VWA5B1: variants seen among roughly 807,000 people sequenced by gnomAD.
VWA5B1 encodes von Willebrand factor A domain-containing protein 5B1.
VWA5B1 carries 115 observed loss-of-function variants against 118.2 expected under a neutral mutation model. The ratio of observed to expected loss-of-function variants is 0.97; its 90% CI spans 0.84 to 1.14. The LOEUF (loss-of-function observed/expected upper bound fraction) is 1.14, where lower values mean the gene tolerates loss of function less well. Ranked by LOEUF, VWA5B1 falls within the 50% of genes most tolerant of loss-of-function variation. The pLI, the probability that VWA5B1 is intolerant of heterozygous loss-of-function variation, is 0.00. For missense variants in VWA5B1, 1,596 were observed against 1,603.8 expected (o/e 1.00, Z 0.08); for synonymous variants, 682 against 658.4 (o/e 1.04, Z -0.55).
chr1:20,311,679 C>T (rs912459188), intron 2 of VWA5B1, among the ~76,000 whole-genome samples: 2 of 152,150 alleles, frequency 1.3e-5, no homozygotes, highest in Non-Finnish European at 2.9e-5. Context: ...CCTTCCTATC[C>T]GCAGTGATGG....
intron 1 of VWA5B1, among the ~76,000 whole-genome samples, chr1:20,304,506 T>C (rs2088588784): frequency 3.3e-5 from 5 of 152,122 alleles, no homozygotes. Context: ...TGACTTACTC[T>C]TTTGGACAAA....
At chr1:20,308,077 T>C (rs1028614667) in intron 1 of VWA5B1, among the ~76,000 whole-genome samples, 3 of 152,202 alleles carry the variant, frequency 2.0e-5, no homozygotes, top group Non-Finnish European at 2.9e-5. Flanking sequence ...GCCATCTTTA[T>C]GTCCATGAGT....
At chr1:20,316,772 T>G in intron 4 of VWA5B1, among the ~76,000 whole-genome samples, 1 of 152,092 alleles carries the variant, frequency 6.6e-6, no homozygotes, top group East Asian at 1.9e-4. Flanking sequence ...AGAGGAGAAA[T>G]GACTCGCAGG....
intron 1 of VWA5B1, among the ~76,000 whole-genome samples, chr1:20,305,776 G>A (rs1176869969): frequency 6.6e-6 from 1 of 151,856 alleles, no homozygotes; most frequent in Admixed American, 6.6e-5. Flanking sequence ...CAGGGAGGGT[G>A]GGTTTGGGCC....
chr1:20,337,756 TACCC>T lies in VWA5B1; in HGVS notation c.2056_2059del (p.Pro686CysfsTer28), dbSNP rs2089760324. The T allele has an allele frequency of 6.4e-7, 1 of 1,551,598 alleles. No homozygotes were observed. Among genetic ancestry groups the T allele is most frequent in the East Asian group, 2.4e-5 (1 of 40,914 alleles). Reference sequence around the variant, plus strand: ...TGACCCCATGCCAGCTGCCAAGAGATACCCACTGCGGAAAGCCAGGCTGCAGGAC... The same window carrying T: ...TGACCCCATGCCAGCTGCCAAGAGATACTGCGGAAAGCCAGGCTGCAGGAC... On this transcript the variant is annotated frameshift_variant, in exon 14 of 22. Transcript: ENST00000289815. LOFTEE classifies it high-confidence loss of function.
At position 20,356,500 on chromosome 1, in the gene VWA5B1, G is replaced by A. The variant is rs1158487157; in HGVS notation, c.*2237G>A. 6.6e-6 allele frequency among the ~76,000 whole-genome samples: 1 copy of A among 152,202 alleles called. No individual in the cohort carries two copies. Among genetic ancestry groups the A allele is most frequent in the Non-Finnish European group, 1.5e-5 (1 of 68,034 alleles). On this transcript the variant is annotated 3_prime_UTR_variant, in exon 22 of 22. Transcript: ENST00000289815. ...CCTCCCTGCCCCACCAGATGAGTCT[G>A]ATTCTGGGTCTCCAGGCCTCAGCCT...
chr1:20,296,670 A>G (rs1045788931), intron 1 of VWA5B1, among the ~76,000 whole-genome samples: 2 of 152,258 alleles, frequency 1.3e-5, no homozygotes, highest in Non-Finnish European at 2.9e-5. Context: ...GTTTTGGCAC[A>G]TGGTTGTAAC....
At chr1:20,326,607 A>T (rs2089391230) in intron 8 of VWA5B1, among the ~76,000 whole-genome samples, 1 of 152,092 alleles carries the variant, frequency 6.6e-6, no homozygotes. Flanking sequence ...CTGGGATTAC[A>T]GGCGTGTACC....
chr1:20,311,657 C>T (rs1204649777), intron 2 of VWA5B1, among the ~76,000 whole-genome samples: 4 of 152,134 alleles, frequency 2.6e-5, no homozygotes, highest in African/African-American at 4.8e-5. Flanking sequence ...AGGAGGACAC[C>T]GGCCAGGATT....
rs541090707 is a variant in VWA5B1 at position 20,310,130 on chromosome 1, T to C, written c.-26-446T>C. On this transcript the variant is annotated intron_variant, in intron 1 of 21. Transcript: ENST00000289815. ...CCTCACTGAAGTCAGAGGAGGGACGTGGTGAGCTATTCCAACGCTCTCATT... is the reference window on the plus strand; with the variant it reads ...CCTCACTGAAGTCAGAGGAGGGACGCGGTGAGCTATTCCAACGCTCTCATT... Among the ~76,000 whole-genome samples, 34 of 152,158 alleles carry C rather than the reference T, an allele frequency of 2.2e-4. 1 individual carries two copies. Among genetic ancestry groups the C allele is most frequent in the African/African-American group, 8.2e-4 (34 of 41,510 alleles).
Position 20,312,904 on chromosome 1 carries a change from G to C in VWA5B1, c.208G>C (p.Val70Leu), listed in dbSNP as rs1289274421. 1 of 1,551,710 alleles carries C rather than the reference G, an allele frequency of 6.4e-7. No individual in the cohort carries two copies. Among genetic ancestry groups the C allele is most frequent in the South Asian group, 1.2e-5 (1 of 84,060 alleles). ...IGFEAVIADRVVTVQIKDKAK... is the reference protein window; with the variant it reads ...IGFEAVIADRLVTVQIKDKAK... Reference sequence around the variant, plus strand: ...CTTTGAGGCAGTCATTGCCGACCGTGTCGTGACAGTACAGATCAAGGACAA... The same window carrying C: ...CTTTGAGGCAGTCATTGCCGACCGTCTCGTGACAGTACAGATCAAGGACAA... The change falls in exon 3 of 22, where the codon GTC (valine) becomes CTC (leucine). Residue 70 changes from valine to leucine, a missense_variant. By Grantham distance (32) the Val-to-Leu change is conservative. Transcript: ENST00000289815.
chr1:20,291,359 T>TCTCTCCC (rs2088297636), intron 1 of VWA5B1, among the ~76,000 whole-genome samples: 5 of 103,408 alleles, frequency 4.8e-5, no homozygotes, highest in African/African-American at 1.4e-4. Flanking sequence ...CTTTCTTTCT[T>TCTCTCCC]TCTCTCTCTC....
chr1:20,312,925 G>T lies in VWA5B1; in HGVS notation c.229G>T (p.Asp77Tyr). The T allele has an allele frequency of 6.4e-7, 1 of 1,551,698 alleles. No homozygotes were observed. Among genetic ancestry groups the T allele is most frequent in the Non-Finnish European group, 8.7e-7 (1 of 1,146,996 alleles). ...ADRVVTVQIKDKAKLESGHFD... is the reference protein window; with the variant it reads ...ADRVVTVQIKYKAKLESGHFD... ...CCGTGTCGTGACAGTACAGATCAAG[G>T]ACAAAGCCAAGCTGGAGAGCGGCCA... The change falls in exon 3 of 22, where the codon GAC (aspartate) becomes TAC (tyrosine). Residue 77 changes from aspartate (D) to tyrosine (Y), a missense_variant. Transcript: ENST00000289815.
chr1:20,338,061 G>T (rs1351656503), intron 14 of VWA5B1: 1 of 685,618 alleles, frequency 1.5e-6, no homozygotes, highest in Non-Finnish European at 2.7e-6. Context: ...CACACACACT[G>T]CCCAGTTGGC....
rs765142859 is a variant in VWA5B1, at chr1:20,317,562, C to T, written c.596C>T (p.Pro199Leu). 27 of 1,551,560 alleles carry T rather than the reference C, an allele frequency of 1.7e-5. No individual in the cohort carries two copies. The highest frequency in any genetic ancestry group is 1.5e-4 in the African/African-American group (11 of 73,034). Reference sequence around the variant, plus strand: ...AGGCACTGCTTCGGTGCCTGGGCCCCGGGCTCCTGGAATAAGTTGTGCCTG... The same window carrying T: ...AGGCACTGCTTCGGTGCCTGGGCCCTGGGCTCCTGGAATAAGTTGTGCCTG... ...KDRHCFGAWA[P>L]GSWNKLCLAT... The change falls in exon 5 of 22, where the codon CCG (proline) becomes CTG (leucine). Residue 199 changes from proline (P) to leucine (L), a missense_variant. By Grantham distance (98) the Pro-to-Leu change is moderately conservative. Transcript: ENST00000289815.
chr1:20,332,250 A>G (rs1459841473), intron 11 of VWA5B1, among the ~76,000 whole-genome samples: 2 of 151,964 alleles, frequency 1.3e-5, no homozygotes, highest in African/African-American at 2.4e-5. Context: ...GAGGCCTAGG[A>G]AGGTGGATCA....
intron 21 of VWA5B1, among the ~76,000 whole-genome samples, chr1:20,353,377 G>T (rs1451418659): frequency 6.6e-6 from 1 of 152,134 alleles, no homozygotes; most frequent in Admixed American, 6.5e-5. Context: ...AATAACATGA[G>T]GAAGCACGTG....
chr1:20,310,146 C>T lies in VWA5B1; in HGVS notation c.-26-430C>T, dbSNP rs796136064. Among the ~76,000 whole-genome samples, 79 of 152,216 alleles carry T rather than the reference C, an allele frequency of 5.2e-4. 1 individual carries two copies. The highest frequency in any genetic ancestry group is 1.7e-3 in the African/African-American group (70 of 41,526). On this transcript the variant is annotated intron_variant, in intron 1 of 21. Transcript: ENST00000289815. ...GGAGGGACGTGGTGAGCTATTCCAA[C>T]GCTCTCATTCTGCAGAGGCAACATC...
At chr1:20,308,635 G>A (rs1570074770) in intron 1 of VWA5B1, among the ~76,000 whole-genome samples, 1 of 152,166 alleles carries the variant, frequency 6.6e-6, no homozygotes, top group East Asian at 1.9e-4. Flanking sequence ...CTGAGAGAAG[G>A]CTACTTGGGG....
Sources: gnomAD v4.1 joint callset for allele counts (sites outside exome capture counted in the v4.1 genomes callset) on GRCh38, gnomAD v4.1.1 for gene constraint, MANE v1.5 for transcripts, NCBI Gene and HGNC (gene_info 2026-07-23, HGNC 2026-07-21) for gene names.